LNPEP: variants seen among roughly 807,000 people sequenced by gnomAD.
The protein encoded by LNPEP is leucyl-cystinyl aminopeptidase.
A neutral mutation model predicts 120.6 loss-of-function variants in LNPEP; 64 were observed. The ratio of observed to expected loss-of-function variants is 0.53; its 90% CI spans 0.43 to 0.65. The LOEUF (loss-of-function observed/expected upper bound fraction) is 0.65. LNPEP is among the 30% of genes least tolerant of loss of function. The probability of loss-of-function intolerance (pLI) is 0.00; values close to 1 mark genes in which losing one functional copy is unlikely to be tolerated. For synonymous variants in LNPEP, 435 were observed against 425.4 expected (o/e 1.02, Z -0.28); for missense variants, 1,057 against 1,200.0 (o/e 0.88, Z 1.76).
At chr5:97,011,833 T>C (rs1189829514) in intron 11 of LNPEP, among the ~76,000 whole-genome samples, 3 of 152,246 alleles carry the variant, frequency 2.0e-5, no homozygotes, top group South Asian at 2.1e-4. Context: ...TTATGTCCTG[T>C]TAAGACATGA....
rs1270756993 is a variant in LNPEP at position 96,962,791 on chromosome 5, T to C, written c.20-16347T>C. On this transcript the variant is annotated intron_variant, in intron 1 of 17. Coordinates refer to ENST00000231368, the MANE Select transcript of LNPEP (RefSeq NM_005575.3). ...TATTCTTAATTACTCTGCTGTGCCG[T>C]CTCTTTATTGCTTAGCTGGGTATTA... 8 of 151,770 alleles carry C rather than the reference T, an allele frequency of 5.3e-5. No individual in the cohort carries two copies. In the East Asian group the frequency reaches 1.5e-3, roughly 29 times the overall value. The allele number at this position is 151,770 out of a possible 1,614,324, so 9.4% of individuals were successfully genotyped here. A position where few individuals can be genotyped will look rare whatever the true frequency, so the allele number is the denominator to read the frequency against.
At chr5:96,994,058 C>CTTT in intron 6 of LNPEP, 87 bp downstream of exon 6, 1 of 861,366 alleles carries the variant, frequency 1.2e-6, no homozygotes, top group Non-Finnish European at 1.7e-6. Context: ...GCTAATAATT[C>CTTT]TTTTTTTTTT....
chr5:96,943,389 C>A (rs541542156), intron 1 of LNPEP, among the ~76,000 whole-genome samples: 1 of 152,112 alleles, frequency 6.6e-6, no homozygotes, highest in African/African-American at 2.4e-5. Context: ...CAGGCTCAAG[C>A]GATTCTCCTG....
intron 11 of LNPEP, among the ~76,000 whole-genome samples, chr5:97,012,994 G>A (rs1561452071): frequency 6.6e-6 from 1 of 152,120 alleles, no homozygotes; most frequent in African/African-American, 2.4e-5. Context: ...AAAAGACAGA[G>A]GCCAAAATGG....
rs908870895 is a variant in LNPEP, at chr5:97,031,652, A to T, written c.*3119A>T. 1 of 152,266 alleles carries T rather than the reference A, an allele frequency of 6.6e-6. No individual in the cohort carries two copies. The highest frequency in any genetic ancestry group is 1.5e-5 in the Non-Finnish European group (1 of 68,066). The allele number at this position is 152,266 out of a possible 1,614,324, so 9.4% of individuals were successfully genotyped here. A position where few individuals can be genotyped will look rare whatever the true frequency, so the allele number is the denominator to read the frequency against. On this transcript the variant is annotated 3_prime_UTR_variant, in exon 18 of 18. Transcript: ENST00000231368. ...ATGCCTGTAATCCCAGCATTTTGGG[A>T]TGCCAAGGTGGGCAGACCATTTGAG...
rs1406922091 is a variant in LNPEP, at chr5:96,963,292, AACTT to A, written c.20-15844_20-15841del. ...TCTATTACTGCATGGCACATCATAAAACTTAATGGCTTAAGGCAACAACCATTTT... is the reference window on the plus strand; with the variant it reads ...TCTATTACTGCATGGCACATCATAAAAATGGCTTAAGGCAACAACCATTTT... On this transcript the variant is annotated intron_variant, in intron 1 of 17. Coordinates refer to ENST00000231368, the MANE Select transcript of LNPEP (RefSeq NM_005575.3). Among the ~76,000 whole-genome samples, 4 of 152,326 alleles carry A rather than the reference AACTT, an allele frequency of 2.6e-5. No homozygotes were observed. In the East Asian group the frequency reaches 7.7e-4, roughly 29 times the overall value.
At chr5:96,961,437 A>G (rs1789603689) in intron 1 of LNPEP, among the ~76,000 whole-genome samples, 1 of 152,226 alleles carries the variant, frequency 6.6e-6, no homozygotes, top group Admixed American at 6.5e-5. Context: ...CTAGCTGAGT[A>G]TCTTTGGACA....
At position 97,032,518 on chromosome 5, in the gene LNPEP, C is replaced by A. The variant is rs964294379; in HGVS notation, c.*3985C>A. 1 of 151,920 alleles carries A rather than the reference C, an allele frequency of 6.6e-6. No homozygotes were observed. Among genetic ancestry groups the A allele is most frequent in the African/African-American group, 2.4e-5 (1 of 41,374 alleles). 9.4% of individuals were successfully genotyped at this position (151,920 alleles called of 1,614,324 possible). On this transcript the variant is annotated 3_prime_UTR_variant, in exon 18 of 18. Coordinates refer to ENST00000231368, the MANE Select transcript of LNPEP (RefSeq NM_005575.3). ...GTTTTTGATAGTTTTTATATTATTT[C>A]ATTTTGTATATTTTTTTCCTGATGA... is the stretch of plus-strand genomic sequence containing the variant.
At chr5:97,016,379 A>C (rs1397490227) in intron 13 of LNPEP, among the ~76,000 whole-genome samples, 2 of 152,144 alleles carry the variant, frequency 1.3e-5, no homozygotes, top group African/African-American at 4.8e-5. Flanking sequence ...TTAGTGCTTA[A>C]TGTAGATTAC....
chr5:96,981,088 C>A (rs895986443), intron 2 of LNPEP, among the ~76,000 whole-genome samples: 10 of 152,080 alleles, frequency 6.6e-5, no homozygotes, highest in Non-Finnish European at 1.3e-4. Flanking sequence ...CTATTATCCC[C>A]AGGAAATGTA....
chr5:96,963,514 G>T (rs530777292), intron 1 of LNPEP, among the ~76,000 whole-genome samples: 2 of 152,182 alleles, frequency 1.3e-5, no homozygotes, highest in South Asian at 2.1e-4. Context: ...TTTCCATGTG[G>T]TTCCTCGTCC....
rs1790775153 is a variant in LNPEP, at chr5:97,006,066, T to TA, written c.1786-7_1786-6insA. ...AAGTTTTATATATATATATATATAT[T>TA]TTGTAGGTCACAAACCAAACACTAG... On this transcript the variant is annotated splice_polypyrimidine_tract_variant and splice_region_variant and intron_variant, in intron 9 of 17. Transcript: ENST00000231368. 2.7e-5 allele frequency: 29 copies of TA among 1,054,714 alleles called. No individual in the cohort carries two copies. Among genetic ancestry groups the TA allele is most frequent in the South Asian group, 4.1e-5 (2 of 48,820 alleles). The allele number at this position is 1,054,714 out of a possible 1,614,324, so 65.3% of individuals were successfully genotyped here.
chr5:97,029,805 A>C lies in LNPEP; in HGVS notation c.*1272A>C, dbSNP rs1252118569. The C allele has an allele frequency of 1.3e-5, 2 of 152,178 alleles. No homozygotes were observed. The highest frequency in any genetic ancestry group is 3.8e-4 in the East Asian group (2 of 5,206). The allele number at this position is 152,178 out of a possible 1,614,324, so 9.4% of individuals were successfully genotyped here. ...AAGAAGGAAAGAAGAAAAATGAGGG[A>C]GGATGTCCGAAACTGTATGGCATTT... On this transcript the variant is annotated 3_prime_UTR_variant, in exon 18 of 18. Coordinates refer to ENST00000231368, the MANE Select transcript of LNPEP (RefSeq NM_005575.3).
intron 1 of LNPEP, among the ~76,000 whole-genome samples, chr5:96,959,450 GATAGGAATGGGATT>G (rs1208257861): frequency 6.6e-6 from 1 of 152,144 alleles, no homozygotes. Context: ...TTGAGGAAGA[GATAGGAATGGGATT>G]ATTTTGACAT....
chr5:96,936,111 G>C lies in LNPEP; in HGVS notation c.-45G>C. On this transcript the variant is annotated 5_prime_UTR_variant, in exon 1 of 18. Coordinates refer to ENST00000231368, the MANE Select transcript of LNPEP (RefSeq NM_005575.3). ...CTGGGCCGCCTCAGCTCTCGGAGTA[G>C]GAAGCTCGGGCGCTCCGGCTGTAAG... The C allele has an allele frequency of 1.3e-6, 2 of 1,515,178 alleles. No individual in the cohort carries two copies. The highest frequency in any genetic ancestry group is 5.5e-5 in the East Asian group (2 of 36,128). 93.9% of individuals were successfully genotyped at this position (1,515,178 alleles called of 1,614,324 possible).
At position 97,037,512 on chromosome 5, in the gene LNPEP, A is replaced by G. The variant is rs1791590354; in HGVS notation, c.*8979A>G. 6.6e-6 allele frequency: 1 copy of G among 152,198 alleles called. No individual in the cohort carries two copies. Among genetic ancestry groups the G allele is most frequent in the African/African-American group, 2.4e-5 (1 of 41,456 alleles). The allele number at this position is 152,198 out of a possible 1,614,324, so 9.4% of individuals were successfully genotyped here. On this transcript the variant is annotated 3_prime_UTR_variant, in exon 18 of 18. Transcript: ENST00000231368. ...ATGAAAATAAAAGTATTTAAATACA[A>G]ACATTGTGTGGACTCTTTGGATTAA...
chr5:96,958,375 C>CT, intron 1 of LNPEP: 2 of 587,672 alleles, frequency 3.4e-6, no homozygotes, highest in Non-Finnish European at 4.3e-6. Flanking sequence ...CTTTCTTCAT[C>CT]TATTTTGCAA....
rs1791430709 is a variant in LNPEP at position 97,029,545 on chromosome 5, G to A, written c.*1012G>A. 1 of 152,256 alleles carries A rather than the reference G, an allele frequency of 6.6e-6. No individual in the cohort carries two copies. Among genetic ancestry groups the A allele is most frequent in the Admixed American group, 6.5e-5 (1 of 15,282 alleles). 9.4% of individuals were successfully genotyped at this position (152,256 alleles called of 1,614,324 possible). A position where few individuals can be genotyped will look rare whatever the true frequency, so the allele number is the denominator to read the frequency against. ...AATTTTCATTTTATATGATAGTGTAGCATATTAGAAGCATATTTTAAAACA... is the reference window on the plus strand; with the variant it reads ...AATTTTCATTTTATATGATAGTGTAACATATTAGAAGCATATTTTAAAACA... On this transcript the variant is annotated 3_prime_UTR_variant, in exon 18 of 18. Coordinates refer to ENST00000231368, the MANE Select transcript of LNPEP (RefSeq NM_005575.3).
chr5:97,013,263 A>T (rs1790984145), intron 11 of LNPEP, among the ~76,000 whole-genome samples: 1 of 152,076 alleles, frequency 6.6e-6, no homozygotes, highest in Non-Finnish European at 1.5e-5. Flanking sequence ...ATCGCTCCTA[A>T]CTTTCCCTAG....
Sources: allele counts gnomAD v4.1 joint callset (sites outside exome capture counted in the v4.1 genomes callset), GRCh38; gene constraint gnomAD v4.1.1; transcripts MANE v1.5; gene names NCBI Gene and HGNC (gene_info 2026-07-23, HGNC 2026-07-21).